Variants in PUS7 observed in about 807,000 individuals in gnomAD.
The protein encoded by PUS7 is pseudouridine synthase 7, also known as pseudouridylate synthase 7 homolog.
Under a neutral mutation model 79.8 loss-of-function variants are expected in PUS7, and 48 were observed. The observed-to-expected ratio is 0.60, with a 90% CI of 0.48 to 0.76. The LOEUF (loss-of-function observed/expected upper bound fraction) is 0.76, where lower values mean the gene tolerates loss of function less well. PUS7 is among the 30% of genes least tolerant of loss of function. The probability of loss-of-function intolerance (pLI) is 0.00; values close to 1 mark genes in which losing one functional copy is unlikely to be tolerated. For synonymous variants in PUS7, 286 were observed against 272.2 expected (o/e 1.05, Z -0.50); for missense variants, 729 against 797.6 (o/e 0.91, Z 1.04).
In PUS7 at chr7:105,500,690, C is replaced by T. The variant is rs78391339; in HGVS notation, c.730+1730G>A. On this transcript the variant is annotated intron_variant, in intron 5 of 15. Coordinates refer to ENST00000469408, the MANE Select transcript of PUS7 (RefSeq NM_019042.5). ...CCTGAGAGAATTAGGACCAAGTGCC[C>T]CAAGGCATGGCTGTTTGTAGAAGTC... Among the ~76,000 whole-genome samples the T allele has an allele frequency of 2.5e-3, 384 of 152,252 alleles. 1 individual carries two copies. Among genetic ancestry groups the T allele is most frequent in the African/African-American group, 8.4e-3 (351 of 41,554 alleles).
chr7:105,472,139 G>A lies in PUS7; in HGVS notation c.1230C>T (p.Arg410=). Residue 410 remains arginine, a synonymous_variant, in exon 10 of 16, where the codon CGC becomes CGT. Transcript: ENST00000469408. Reference sequence around the variant, plus strand: ...CATGAATTTTATTCTCACCTCCAGAGCGGGGTTTCAATATTAAATCCATGA... The same window carrying A: ...CATGAATTTTATTCTCACCTCCAGAACGGGGTTTCAATATTAAATCCATGA... The part of the protein sequence containing the change: ...TEVMDLILKP[R]SGAEKGYLVK... 6.3e-7 allele frequency: 1 copy of A among 1,594,568 alleles called. No homozygotes were observed. Among genetic ancestry groups the A allele is most frequent in the Non-Finnish European group, 8.6e-7 (1 of 1,164,382 alleles).
At chr7:105,489,147 C>CAAAAAAAAAAAAAAAAAAAAAAAA (rs762504334) in intron 7 of PUS7, among the ~76,000 whole-genome samples, 2 of 33,698 alleles carry the variant, frequency 5.9e-5, no homozygotes, top group African/African-American at 9.3e-5. Context: ...AACTCCATCT[C>CAAAAAAAAAAAAAAAAAAAAAAAA]AAAAAAAAAA....
In PUS7 at chr7:105,495,261, G is replaced by C; in HGVS notation, c.731-8C>G. On this transcript the variant is annotated splice_region_variant and splice_polypyrimidine_tract_variant and intron_variant, in intron 5 of 15. Coordinates refer to ENST00000469408, the MANE Select transcript of PUS7 (RefSeq NM_019042.5). ...AAGAATGTTTTCTTGGATCTTGAAA[G>C]CAAAAGAATTAACATTATATATACC... The C allele has an allele frequency of 3.4e-6, 5 of 1,473,476 alleles. No homozygotes were observed. Among genetic ancestry groups the C allele is most frequent in the Non-Finnish European group, 4.7e-6 (5 of 1,055,128 alleles). 91.3% of individuals were successfully genotyped at this position (1,473,476 alleles called of 1,614,324 possible).
At position 105,485,832 on chromosome 7, in the gene PUS7, G is replaced by A. The variant is rs185790618; in HGVS notation, c.921-3392C>T. ...TTTTTGTTTTTGAGACAGAGTCTCTGTCGCCCAGGTTGGAGTGCAGTGGTG... is the reference window on the plus strand; with the variant it reads ...TTTTTGTTTTTGAGACAGAGTCTCTATCGCCCAGGTTGGAGTGCAGTGGTG... On this transcript the variant is annotated intron_variant, in intron 7 of 15. Transcript: ENST00000469408. Among the ~76,000 whole-genome samples the A allele has an allele frequency of 2.0e-4, 31 of 152,206 alleles. 2 individuals are homozygous for A. In the East Asian group the frequency reaches 5.8e-3, roughly 29 times the overall value.
chr7:105,467,617 CAA>C (rs1394357182), intron 12 of PUS7, among the ~76,000 whole-genome samples: 5 of 151,818 alleles, frequency 3.3e-5, no homozygotes, highest in Non-Finnish European at 7.4e-5. Flanking sequence ...GGTTGGCTAA[CAA>C]GACACATCCA....
intron 9 of PUS7, among the ~76,000 whole-genome samples, chr7:105,473,298 G>A (rs144899594): frequency 6.6e-5 from 10 of 152,222 alleles, no homozygotes; most frequent in East Asian, 1.9e-4. Flanking sequence ...TGTCTAGGCT[G>A]GAATGCAGTG....
At chr7:105,472,847 G>A (rs1290801478) in intron 9 of PUS7, among the ~76,000 whole-genome samples, 3 of 151,384 alleles carry the variant, frequency 2.0e-5, no homozygotes, top group Admixed American at 6.6e-5. Flanking sequence ...TCTGCCTCCC[G>A]GTTTCACGCC....
chr7:105,521,468 ACT>A (rs1215684679), intron 1 of PUS7, among the ~76,000 whole-genome samples: 2 of 143,486 alleles, frequency 1.4e-5, no homozygotes, highest in Admixed American at 1.4e-4. Flanking sequence ...TGGAGAAAGC[ACT>A]CTGAGTCTGC....
At chr7:105,461,400 T>C (rs960446485) in intron 14 of PUS7, among the ~76,000 whole-genome samples, 1 of 152,180 alleles carries the variant, frequency 6.6e-6, no homozygotes, top group Non-Finnish European at 1.5e-5. Flanking sequence ...TCTTTTCTTT[T>C]TTTAGAGACA....
chr7:105,486,047 T>C (rs1824535441), intron 7 of PUS7, among the ~76,000 whole-genome samples: 3 of 151,482 alleles, frequency 2.0e-5, no homozygotes, highest in African/African-American at 7.3e-5. Context: ...TTTTTTTTTT[T>C]TGTTTTGTTT....
intron 7 of PUS7, among the ~76,000 whole-genome samples, chr7:105,485,363 C>G (rs1354683432): frequency 6.6e-6 from 1 of 152,198 alleles, no homozygotes; most frequent in Non-Finnish European, 1.5e-5. Context: ...GCATGCGGCA[C>G]CATGCCCGGC....
At chr7:105,470,185 C>T (rs1479228619) in intron 11 of PUS7, 1 of 152,174 alleles carries the variant, frequency 6.6e-6, no homozygotes, top group Non-Finnish European at 1.5e-5. Context: ...AAGGGTTAAA[C>T]TTTAACATTT....
chr7:105,518,548 T>C (rs1468427475), intron 1 of PUS7, among the ~76,000 whole-genome samples: 4 of 151,972 alleles, frequency 2.6e-5, no homozygotes, highest in African/African-American at 9.6e-5. Flanking sequence ...ACTACAGGCA[T>C]GTGCCACCAT....
chr7:105,509,332 G>A (rs961678236), intron 1 of PUS7, among the ~76,000 whole-genome samples: 2 of 151,846 alleles, frequency 1.3e-5, no homozygotes, highest in African/African-American at 4.8e-5. Flanking sequence ...ACAGAAAACC[G>A]GCATAATACT....
rs746738168 is a variant in PUS7 at position 105,465,369 on chromosome 7, ATAGAG to A, written c.1566_1570del (p.Ser523ProfsTer2). ...AGGCAAGGGCATTACCACATCATGGATAGAGTAATTATTAACATCATCTTCCTCAA... is the reference window on the plus strand; with the variant it reads ...AGGCAAGGGCATTACCACATCATGGATAATTATTAACATCATCTTCCTCAA... On this transcript the variant is annotated frameshift_variant, in exon 13 of 16. Transcript: ENST00000469408. LOFTEE classifies it high-confidence loss of function. The A allele has an allele frequency of 6.2e-7, 1 of 1,613,848 alleles. No individual in the cohort carries two copies. The highest frequency in any genetic ancestry group is 8.5e-7 in the Non-Finnish European group (1 of 1,179,770).
chr7:105,462,615 A>G lies in PUS7; in HGVS notation c.1757+6T>C. The G allele has an allele frequency of 1.2e-6, 2 of 1,613,422 alleles. No individual in the cohort carries two copies. The highest frequency in any genetic ancestry group is 1.7e-6 in the Non-Finnish European group (2 of 1,179,830). On this transcript the variant is annotated splice_donor_region_variant and intron_variant, in intron 14 of 15. Coordinates refer to ENST00000469408, the MANE Select transcript of PUS7 (RefSeq NM_019042.5). ...CAGTTCTATCTCATTCTAGATGATT[A>G]CTCACCAGCTAACATTCTGAGGACG...
At chr7:105,503,871 G>T (rs557677343) in intron 4 of PUS7, among the ~76,000 whole-genome samples, 1 of 151,924 alleles carries the variant, frequency 6.6e-6, no homozygotes, top group Non-Finnish European at 1.5e-5. Context: ...GAATTCAAGC[G>T]ATCTGCCCAC....
intron 9 of PUS7, among the ~76,000 whole-genome samples, chr7:105,476,904 A>T (rs770100241): frequency 6.6e-6 from 1 of 152,278 alleles, no homozygotes; most frequent in Admixed American, 6.5e-5. Context: ...CATTTATTGA[A>T]ATCCTTTCTC....
chr7:105,521,770 G>T (rs1166083571), intron 1 of PUS7, among the ~76,000 whole-genome samples: 1 of 152,094 alleles, frequency 6.6e-6, no homozygotes, highest in Admixed American at 6.5e-5. Flanking sequence ...GGGAGCGCTC[G>T]GGCGCGGCGC....
Sources: allele counts gnomAD v4.1 joint callset (sites outside exome capture counted in the v4.1 genomes callset), GRCh38; gene constraint gnomAD v4.1.1; transcripts MANE v1.5; gene names NCBI Gene and HGNC (gene_info 2026-07-23, HGNC 2026-07-21).